GPR155: variants seen among roughly 807,000 people sequenced by gnomAD.
GPR155 encodes the protein G protein-coupled receptor 155, also known as lysosomal cholesterol signaling protein.
GPR155 carries 65 observed loss-of-function variants against 93.1 expected under a neutral mutation model. The observed-to-expected ratio is 0.70, with a 90% CI of 0.57 to 0.86. The LOEUF (loss-of-function observed/expected upper bound fraction) is 0.86, where lower values mean the gene tolerates loss of function less well. Among genes scored for constraint, GPR155 ranks in the 40% least tolerant of loss-of-function variants. The pLI, the probability that GPR155 is intolerant of heterozygous loss-of-function variation, is 0.00. For missense variants in GPR155, 838 were observed against 1,034.8 expected (o/e 0.81, Z 2.61); for synonymous variants, 319 against 360.1 (o/e 0.89, Z 1.29).
chr2:174,435,049 T>G lies in GPR155; in HGVS notation c.*1067A>C, dbSNP rs1686735794. 1 of 152,228 alleles carries G rather than the reference T, an allele frequency of 6.6e-6. No individual in the cohort carries two copies. The highest frequency in any genetic ancestry group is 1.5e-5 in the Non-Finnish European group (1 of 68,036). 9.4% of individuals were successfully genotyped at this position (152,228 alleles called of 1,614,324 possible). Reference sequence around the variant, plus strand: ...ATCAAAAAATATAAAGTTGTCATAATTTAAGGTCCATCTCCTGCTAGTAAT... The same window carrying G: ...ATCAAAAAATATAAAGTTGTCATAAGTTAAGGTCCATCTCCTGCTAGTAAT... On this transcript the variant is annotated 3_prime_UTR_variant, in exon 16 of 16. Coordinates refer to ENST00000392552, the MANE Select transcript of GPR155 (RefSeq NM_152529.7).
Position 174,461,277 on chromosome 2 carries a change from C to G in GPR155, c.1560+125G>C, listed in dbSNP as rs953047114. On this transcript the variant is annotated intron_variant, in intron 9 of 15. Transcript: ENST00000392552. ...GATGAGACAAAGTGATATAGGATCA[C>G]CAATCTGATATGCAATAAATTGAAA... 16 of 649,934 alleles carry G rather than the reference C, an allele frequency of 2.5e-5. No individual in the cohort carries two copies. In the African/African-American group the frequency reaches 2.9e-4, roughly 12 times the overall value. 40.3% of individuals were successfully genotyped at this position (649,934 alleles called of 1,614,324 possible).
At chr2:174,455,760 G>C (rs1377936186) in intron 10 of GPR155, among the ~76,000 whole-genome samples, 1 of 152,218 alleles carries the variant, frequency 6.6e-6, no homozygotes, top group Non-Finnish European at 1.5e-5. Flanking sequence ...CTAAAAGAAA[G>C]ATAATTGTTT....
At chr2:174,470,072 G>A (rs1448039859) in intron 4 of GPR155, among the ~76,000 whole-genome samples, 1 of 152,168 alleles carries the variant, frequency 6.6e-6, no homozygotes, top group Non-Finnish European at 1.5e-5. Flanking sequence ...ATGTTGGCCA[G>A]GCTGGTCTCA....
Position 174,434,813 on chromosome 2 carries a change from C to G in GPR155, c.*1303G>C, listed in dbSNP as rs1344074992. 1.4e-5 allele frequency: 2 copies of G among 143,722 alleles called. No individual in the cohort carries two copies. Among genetic ancestry groups the G allele is most frequent in the African/African-American group, 5.2e-5 (2 of 38,298 alleles). The allele number at this position is 143,722 out of a possible 1,614,324, so 8.9% of individuals were successfully genotyped here. On this transcript the variant is annotated 3_prime_UTR_variant, in exon 16 of 16. Coordinates refer to ENST00000392552, the MANE Select transcript of GPR155 (RefSeq NM_152529.7). ...TTTTTCTTTTTTTTTTTTTTTAGTA[C>G]AGACCGGGTTTCACCACGTTGCCCG...
At chr2:174,483,480 C>G (rs1040039439) in intron 1 of GPR155, among the ~76,000 whole-genome samples, 3 of 152,184 alleles carry the variant, frequency 2.0e-5, no homozygotes, top group African/African-American at 7.2e-5. Flanking sequence ...AATTATCAGA[C>G]CCCCTCTTGC....
chr2:174,450,915 A>ACT (rs1687299224), intron 11 of GPR155, among the ~76,000 whole-genome samples: 1 of 152,202 alleles, frequency 6.6e-6, no homozygotes, highest in Non-Finnish European at 1.5e-5. Context: ...TAGGTTGCCA[A>ACT]ACTGTCTCTG....
chr2:174,448,528 TTG>T (rs1266619762), intron 11 of GPR155, among the ~76,000 whole-genome samples: 1,207 of 90,736 alleles, frequency 0.013, 80 homozygotes, highest in African/African-American at 0.043. Flanking sequence ...TTTTTGTTTT[TTG>T]TTTTTTTTTT....
At chr2:174,465,712 T>C in intron 7 of GPR155, 73 bp downstream of exon 7, 1 of 754,848 alleles carries the variant, frequency 1.3e-6, no homozygotes, top group Admixed American at 2.2e-5. Context: ...AATAGATCAC[T>C]AGAAGCTCAG....
At chr2:174,477,028 T>C (rs948376144) in intron 2 of GPR155, among the ~76,000 whole-genome samples, 9 of 152,204 alleles carry the variant, frequency 5.9e-5, no homozygotes, top group African/African-American at 2.2e-4. Flanking sequence ...TGAAAATACT[T>C]GCTGAATGGT....
intron 7 of GPR155, among the ~76,000 whole-genome samples, chr2:174,463,421 G>T (rs371929230): frequency 2.0e-5 from 3 of 152,078 alleles, no homozygotes; most frequent in South Asian, 4.2e-4. Context: ...GGCTAGTCTC[G>T]AACTACTGGC....
intron 12 of GPR155, 34 bp from the exon 13 acceptor site, chr2:174,445,210 C>A: frequency 9.3e-7 from 1 of 1,070,966 alleles, no homozygotes; most frequent in South Asian, 1.3e-5. Flanking sequence ...ATTTTAAAAT[C>A]AAGCAAGCTG....
At chr2:174,453,509 A>C (rs1687387920) in intron 11 of GPR155, among the ~76,000 whole-genome samples, 1 of 151,804 alleles carries the variant, frequency 6.6e-6, no homozygotes, top group South Asian at 2.1e-4. Context: ...AAATACAAAA[A>C]ATTAGCTGGG....
In GPR155 at chr2:174,466,603, AAAG is replaced by A. The variant is rs770558929; in HGVS notation, c.1204_1206del (p.Leu403del). On this transcript the variant is annotated inframe_deletion, in exon 6 of 16. Transcript: ENST00000392552. The stretch of plus-strand genomic sequence containing the variant: ...GGAAGCTGTTTATATTTCTTACTCA[AAAG>A]AAGAATAGCCAGAGACCAGATCTTG... 7 of 1,588,912 alleles carry A rather than the reference AAAG, an allele frequency of 4.4e-6. No individual in the cohort carries two copies. Among genetic ancestry groups the A allele is most frequent in the African/African-American group, 1.3e-5 (1 of 74,372 alleles).
intron 11 of GPR155, among the ~76,000 whole-genome samples, chr2:174,451,270 C>A (rs547387006): frequency 7.9e-5 from 12 of 151,354 alleles, no homozygotes; most frequent in African/African-American, 2.4e-4. Context: ...GCCAAGACTG[C>A]GCCACTGCAC....
intron 14 of GPR155, among the ~76,000 whole-genome samples, chr2:174,441,543 G>A (rs576381154): frequency 1.4e-4 from 21 of 151,724 alleles, no homozygotes; most frequent in Admixed American, 4.6e-4. Flanking sequence ...TTAACTCGTC[G>A]TTTACATTAG....
Position 174,436,039 on chromosome 2 carries a change from G to T in GPR155, c.*77C>A. 2 of 1,267,160 alleles carry T rather than the reference G, an allele frequency of 1.6e-6. No individual in the cohort carries two copies. The highest frequency in any genetic ancestry group is 1.4e-5 in the South Asian group (1 of 72,618). The allele number at this position is 1,267,160 out of a possible 1,614,324, so 78.5% of individuals were successfully genotyped here. ...TCAGAGAGGTTGCCTCTGTTAACTT[G>T]CCCAAGGTCACCCAGCTAAAAACTA... On this transcript the variant is annotated 3_prime_UTR_variant, in exon 16 of 16. Coordinates refer to ENST00000392552, the MANE Select transcript of GPR155 (RefSeq NM_152529.7).
In GPR155 at chr2:174,463,351, C is replaced by A. The variant is rs1687754139; in HGVS notation, c.1385-1679G>T. Among the ~76,000 whole-genome samples the A allele has an allele frequency of 2.6e-5, 4 of 151,972 alleles. No individual in the cohort carries two copies. The South Asian group carries it at 8.3e-4, about 32-fold the overall frequency. On this transcript the variant is annotated intron_variant, in intron 7 of 15. Transcript: ENST00000392552. ...GAGTAGCTGGGACTACAGGCATGTA[C>A]CAGCATGCAAAGCTAATTTTCAAAT...
intron 7 of GPR155, among the ~76,000 whole-genome samples, chr2:174,462,916 C>G (rs937375404): frequency 8.6e-5 from 13 of 152,034 alleles, no homozygotes; most frequent in African/African-American, 2.9e-4. Context: ...TAAATGAGCA[C>G]CTTAGATGTG....
intron 9 of GPR155, among the ~76,000 whole-genome samples, chr2:174,460,608 A>G (rs896213491): frequency 2.0e-5 from 3 of 152,206 alleles, no homozygotes. Flanking sequence ...ACAAGGTTTT[A>G]GATGCTTCTT....
Sources: gnomAD v4.1 joint callset for allele counts (sites outside exome capture counted in the v4.1 genomes callset) on GRCh38, gnomAD v4.1.1 for gene constraint, MANE v1.5 for transcripts, NCBI Gene and HGNC (gene_info 2026-07-23, HGNC 2026-07-21) for gene names.